Variants in FRY observed in about 807,000 individuals in gnomAD.
FRY encodes protein furry homolog.
FRY carries 128 observed loss-of-function variants against 348.4 expected under a neutral mutation model. The observed-to-expected ratio is 0.37, with a 90% CI of 0.32 to 0.43. The LOEUF is 0.43. Among genes scored for constraint, FRY ranks in the 20% least tolerant of loss-of-function variants. FRY has a pLI of 1.00. For missense variants in FRY, 2,736 were observed against 3,695.2 expected (o/e 0.74, Z 6.73); for synonymous variants, 1,370 against 1,374.7 (o/e 1.00, Z 0.08).
intron 58 of FRY, among the ~76,000 whole-genome samples, chr13:32,288,405 T>C (rs563318733): frequency 6.6e-6 from 1 of 152,196 alleles, no homozygotes; most frequent in Non-Finnish European, 1.5e-5. Flanking sequence ...TCAAAGAATC[T>C]AGGCAGAATT....
intron 3 of FRY, among the ~76,000 whole-genome samples, chr13:32,111,391 G>A (rs1401239381): frequency 1.3e-5 from 2 of 152,134 alleles, no homozygotes; most frequent in Non-Finnish European, 2.9e-5. Context: ...ACCTACTCGG[G>A]AGGCTGAGAC....
intron 51 of FRY, chr13:32,257,867 G>A: frequency 9.8e-6 from 10 of 1,022,684 alleles, no homozygotes; most frequent in Non-Finnish European, 1.6e-5. Flanking sequence ...GGTTAATGTT[G>A]TGTTAACACT....
chr13:32,072,597 C>T, intron 1 of FRY, among the ~76,000 whole-genome samples: 1 of 152,048 alleles, frequency 6.6e-6, no homozygotes, highest in African/African-American at 2.4e-5. Flanking sequence ...CATGCCATTT[C>T]TTAAGTTCCC....
At position 32,274,513 on chromosome 13, in the gene FRY, G is replaced by A. The variant is rs896266975; in HGVS notation, c.8137-329G>A. Among the ~76,000 whole-genome samples, 15 of 151,806 alleles carry A rather than the reference G, an allele frequency of 9.9e-5. No homozygotes were observed. In the South Asian group the frequency reaches 1.7e-3, roughly 17 times the overall value. ...ACAAGGTCAGATCGAGACCATCCTG[G>A]CTAACACAGTGAAACCCCGTCTCTA... On this transcript the variant is annotated intron_variant, in intron 55 of 60. Transcript: ENST00000542859.
intron 51 of FRY, among the ~76,000 whole-genome samples, chr13:32,255,851 C>T (rs918621185): frequency 1.3e-5 from 2 of 152,146 alleles, no homozygotes; most frequent in Non-Finnish European, 2.9e-5. Context: ...TGACAACTGA[C>T]CTAATGTTTG....
intron 2 of FRY, among the ~76,000 whole-genome samples, chr13:32,090,474 G>GT (rs1243095062): frequency 6.6e-6 from 1 of 152,150 alleles, no homozygotes; most frequent in African/African-American, 2.4e-5. Flanking sequence ...GAAGGGAAGG[G>GT]TGGAAGACAG....
Position 32,088,806 on chromosome 13 carries a change from T to C in FRY, c.270+9773T>C, listed in dbSNP as rs546667923. Among the ~76,000 whole-genome samples the C allele has an allele frequency of 6.3e-4, 96 of 152,350 alleles. 2 individuals carry two copies. The South Asian group carries it at 0.019, about 30-fold the overall frequency. On this transcript the variant is annotated intron_variant, in intron 2 of 60. Transcript: ENST00000542859. ...ATGGATAAGGCCATAATTTTTATTTTTATTTCTGGTGACTTTATGAAGAGA... is the reference window on the plus strand; with the variant it reads ...ATGGATAAGGCCATAATTTTTATTTCTATTTCTGGTGACTTTATGAAGAGA...
At chr13:32,079,054 C>G in intron 2 of FRY, 21 bp downstream of exon 2, 1 of 1,551,902 alleles carries the variant, frequency 6.4e-7, no homozygotes, top group Non-Finnish European at 8.9e-7. Flanking sequence ...GCCGTGGAAA[C>G]TGCCTCTTTG....
In FRY at chr13:32,102,618, G is replaced by A. The variant is rs527803466; in HGVS notation, c.324+602G>A. 2.0e-5 allele frequency among the ~76,000 whole-genome samples: 3 copies of A among 152,210 alleles called. No individual in the cohort carries two copies. The East Asian group carries it at 5.8e-4, about 29-fold the overall frequency. ...ATGATTTAAGACAGAATAAATACAA[G>A]GTAAGTCCTTTGAAAATAGGTTAGG... On this transcript the variant is annotated intron_variant, in intron 3 of 60. Transcript: ENST00000542859.
intron 1 of FRY, among the ~76,000 whole-genome samples, chr13:32,036,131 A>G (rs970389661): frequency 2.6e-5 from 4 of 152,262 alleles, no homozygotes; most frequent in African/African-American, 7.2e-5. Flanking sequence ...AAAGCTTAAG[A>G]AAATCTCAAA....
intron 11 of FRY, among the ~76,000 whole-genome samples, chr13:32,141,822 T>C (rs1255302427): frequency 1.3e-5 from 2 of 152,196 alleles, no homozygotes; most frequent in African/African-American, 4.8e-5. Flanking sequence ...TTAGATAGGC[T>C]GACACATTCC....
rs1309684714 is a variant in FRY at position 32,278,452 on chromosome 13, C to T, written c.8386-13C>T. On this transcript the variant is annotated splice_polypyrimidine_tract_variant and intron_variant, in intron 57 of 60. Coordinates refer to ENST00000542859, the MANE Select transcript of FRY (RefSeq NM_023037.3). ...GCTGAATTTACCTATGTCTTTCCCT[C>T]TCTTTCTGACAGTGGCTTGCAAATT... 5 of 1,457,178 alleles carry T rather than the reference C, an allele frequency of 3.4e-6. No individual in the cohort carries two copies. Among genetic ancestry groups the T allele is most frequent in the South Asian group, 1.1e-5 (1 of 87,902 alleles). 90.3% of individuals were successfully genotyped at this position (1,457,178 alleles called of 1,614,324 possible).
At position 32,149,928 on chromosome 13, in the gene FRY, T is replaced by G. The variant is rs548396404; in HGVS notation, c.1479+94T>G. On this transcript the variant is annotated intron_variant, in intron 14 of 60. Coordinates refer to ENST00000542859, the MANE Select transcript of FRY (RefSeq NM_023037.3). ...TTTGGAGAATGGGATGAGGGATGTC[T>G]TCTCACAAAGTCTTCTATTTGTTTC... The G allele has an allele frequency of 3.7e-5, 29 of 778,822 alleles. 1 individual carries two copies. In the South Asian group the frequency reaches 3.9e-4, roughly 10 times the overall value. The allele number at this position is 778,822 out of a possible 1,614,324, so 48.2% of individuals were successfully genotyped here.
At chr13:32,039,252 C>T (rs1049050723) in intron 1 of FRY, among the ~76,000 whole-genome samples, 7 of 152,164 alleles carry the variant, frequency 4.6e-5, no homozygotes, top group African/African-American at 1.4e-4. Context: ...TACCCTGGAA[C>T]ACTTGACCAG....
At chr13:32,232,244 T>A (rs997902290) in intron 41 of FRY, among the ~76,000 whole-genome samples, 4 of 152,182 alleles carry the variant, frequency 2.6e-5, no homozygotes, top group Non-Finnish European at 5.9e-5. Context: ...TGAATGAAAA[T>A]AATAAACATG....
chr13:32,272,938 G>T (rs61948360), intron 55 of FRY, among the ~76,000 whole-genome samples: 26 of 151,782 alleles, frequency 1.7e-4, no homozygotes, highest in Non-Finnish European at 3.4e-4. Context: ...CAGAGACGGG[G>T]TTTCACCATG....
Position 32,209,605 on chromosome 13 carries a change from G to A in FRY, c.4296G>A (p.Gly1432=), listed in dbSNP as rs1566135175. 2 of 1,614,056 alleles carry A rather than the reference G, an allele frequency of 1.2e-6. 1 individual carries two copies. Among genetic ancestry groups the A allele is most frequent in the South Asian group, 2.2e-5 (2 of 91,080 alleles). Residue 1432 remains glycine, a synonymous_variant, in exon 33 of 61, where the codon GGG becomes GGA. Transcript: ENST00000542859. ...MTAKYGDEVP[G]PEMENAWNAL... ...TATAGTATGGAGATGAAGTTCCTGG[G>A]CCAGAAATGGAAAATGCTTGGAATG...
In FRY at chr13:32,070,953, A is replaced by G. The variant is rs545195805; in HGVS notation, c.71-7881A>G. On this transcript the variant is annotated intron_variant, in intron 1 of 60. Coordinates refer to ENST00000542859, the MANE Select transcript of FRY (RefSeq NM_023037.3). ...ATGGCTAGCCAGTTTTCCCAGCACC[A>G]TTTATTAAATAGGGAATCCTTTCCC... is the stretch of plus-strand genomic sequence containing the variant. Among the ~76,000 whole-genome samples, 143 of 152,322 alleles carry G rather than the reference A, an allele frequency of 9.4e-4. 1 individual carries two copies. The highest frequency in any genetic ancestry group is 5.9e-3 in the Admixed American group (90 of 15,306).
Position 32,274,629 on chromosome 13 carries a change from G to A in FRY, c.8137-213G>A, listed in dbSNP as rs541409057. ...TGAGGCAGGAGAATGGCGTGAACCT[G>A]GGAGGGGGAGCTTGCAGTGAGCCGA... On this transcript the variant is annotated intron_variant, in intron 55 of 60. Coordinates refer to ENST00000542859, the MANE Select transcript of FRY (RefSeq NM_023037.3). Among the ~76,000 whole-genome samples, 12 of 147,952 alleles carry A rather than the reference G, an allele frequency of 8.1e-5. No individual in the cohort carries two copies. In the East Asian group the frequency reaches 1.4e-3, roughly 17 times the overall value.
Sources: gnomAD v4.1 joint callset for allele counts (sites outside exome capture counted in the v4.1 genomes callset) on GRCh38, gnomAD v4.1.1 for gene constraint, MANE v1.5 for transcripts, NCBI Gene and HGNC (gene_info 2026-07-23, HGNC 2026-07-21) for gene names.